Variants in CEP128 observed in about 807,000 individuals in gnomAD.
CEP128 encodes centrosomal protein 128, also known as centrosomal protein 128kDa.
CEP128 carries 132 observed loss-of-function variants against 156.7 expected under a neutral mutation model. The observed-to-expected ratio is 0.84, with a 90% CI of 0.73 to 0.97. The LOEUF (loss-of-function observed/expected upper bound fraction) is 0.97. CEP128 is among the 50% of genes least tolerant of loss of function. The pLI is 0.00. For missense variants in CEP128, 1,252 were observed against 1,281.9 expected, an observed-to-expected ratio of 0.98 and a Z score of 0.36; for synonymous variants, 469 against 448.9, an observed-to-expected ratio of 1.04 and a Z score of -0.57.
intron 7 of CEP128, among the ~76,000 whole-genome samples, chr14:80,899,494 C>T (rs1013992158): frequency 2.0e-5 from 3 of 152,216 alleles, no homozygotes. Context: ...ATGTTAACCA[C>T]TGACCCTCAA....
intron 4 of CEP128, among the ~76,000 whole-genome samples, chr14:80,911,626 ATCT>A (rs1446476814): frequency 6.6e-6 from 1 of 152,236 alleles, no homozygotes; most frequent in East Asian, 1.9e-4. Context: ...TCTTTTCTGC[ATCT>A]TTCACACCCC....
intron 19 of CEP128, among the ~76,000 whole-genome samples, chr14:80,635,228 T>C (rs1894131297): frequency 6.6e-6 from 1 of 152,202 alleles, no homozygotes; most frequent in Admixed American, 6.5e-5. Flanking sequence ...AATGTTCTCC[T>C]TGGAGTCCAT....
At chr14:80,784,066 GA>G (rs1485300914) in intron 15 of CEP128, among the ~76,000 whole-genome samples, 1 of 152,104 alleles carries the variant, frequency 6.6e-6, no homozygotes, top group South Asian at 2.1e-4. Flanking sequence ...AAAGGCTTTT[GA>G]AAAACATTAT....
At position 80,646,330 on chromosome 14, in the gene CEP128, A is replaced by C. The variant is rs367718155; in HGVS notation, c.2807-65907T>G. Among the ~76,000 whole-genome samples, 21 of 152,100 alleles carry C rather than the reference A, an allele frequency of 1.4e-4. No homozygotes were observed. The East Asian group carries it at 3.1e-3, about 22-fold the overall frequency. ...GTACCTTTCACTTAATTTTATTATG[A>C]ATGCTCTGAAAAATGAAGTCATTTT... is the stretch of plus-strand genomic sequence containing the variant. On this transcript the variant is annotated intron_variant, in intron 19 of 24. Coordinates refer to ENST00000555265, the MANE Select transcript of CEP128 (RefSeq NM_152446.5).
At chr14:80,671,689 A>G (rs1895848178) in intron 19 of CEP128, among the ~76,000 whole-genome samples, 1 of 152,196 alleles carries the variant, frequency 6.6e-6, no homozygotes, top group Non-Finnish European at 1.5e-5. Flanking sequence ...TCAAACTGAA[A>G]TTCACCACTC....
At chr14:80,775,949 T>C (rs989321168) in intron 16 of CEP128, among the ~76,000 whole-genome samples, 3 of 152,216 alleles carry the variant, frequency 2.0e-5, no homozygotes, top group African/African-American at 7.2e-5. Flanking sequence ...TTCTCCTGCC[T>C]CAGCCACCTG....
chr14:80,743,173 C>T lies in CEP128; in HGVS notation c.2708G>A (p.Arg903Lys). 1 of 1,613,746 alleles carries T rather than the reference C, an allele frequency of 6.2e-7. No homozygotes were observed. The highest frequency in any genetic ancestry group is 8.5e-7 in the Non-Finnish European group (1 of 1,179,834). Residue 903 changes from arginine to lysine, a missense_variant, in exon 19 of 25, where the codon AGG becomes AAG. Arg to Lys is a conservative substitution (Grantham distance 26). Coordinates refer to ENST00000555265, the MANE Select transcript of CEP128 (RefSeq NM_152446.5). Reference sequence around the variant, plus strand: ...AGATTCCTTGTTTTCAGTCAAATTCCTGAGTTGTTGTCTGCAGAGCATCAG... The same window carrying T: ...AGATTCCTTGTTTTCAGTCAAATTCTTGAGTTGTTGTCTGCAGAGCATCAG... ...HQLMLCRQQL[R>K]NLTENKESEL...
chr14:80,677,842 T>G (rs1896127614), intron 19 of CEP128, among the ~76,000 whole-genome samples: 1 of 151,894 alleles, frequency 6.6e-6, no homozygotes, highest in African/African-American at 2.4e-5. Context: ...AACAAGACAT[T>G]TAGGACTGTG....
intron 19 of CEP128, among the ~76,000 whole-genome samples, chr14:80,669,042 A>G (rs1895738613): frequency 6.6e-6 from 1 of 152,212 alleles, no homozygotes; most frequent in African/African-American, 2.4e-5. Flanking sequence ...AGTCTAAGGT[A>G]TGACTTTATT....
At chr14:80,859,874 A>AAT (rs1473104969) in intron 9 of CEP128, among the ~76,000 whole-genome samples, 1 of 152,186 alleles carries the variant, frequency 6.6e-6, no homozygotes, top group Non-Finnish European at 1.5e-5. Flanking sequence ...GCCTCCCTGT[A>AAT]ATATATTATA....
intron 18 of CEP128, among the ~76,000 whole-genome samples, chr14:80,747,595 T>C (rs967454063): frequency 2.0e-5 from 3 of 152,156 alleles, no homozygotes; most frequent in Non-Finnish European, 4.4e-5. Context: ...GATTACAAGG[T>C]CAGGAGTTCG....
rs75026161 is a variant in CEP128 at position 80,718,036 on chromosome 14, T to C, written c.2806+25039A>G. ...GTATGTGTGTGTATATATGTTTTGT[T>C]TGTTTGTTTTCGGTTTTTTGAAGAG... On this transcript the variant is annotated intron_variant, in intron 19 of 24. Coordinates refer to ENST00000555265, the MANE Select transcript of CEP128 (RefSeq NM_152446.5). 4.1e-3 allele frequency among the ~76,000 whole-genome samples: 618 copies of C among 152,256 alleles called. 22 individuals carry two copies. In the East Asian group the frequency reaches 0.082, roughly 20 times the overall value.
intron 19 of CEP128, among the ~76,000 whole-genome samples, chr14:80,706,790 T>C (rs1897252483): frequency 1.3e-5 from 2 of 152,268 alleles, no homozygotes; most frequent in South Asian, 4.1e-4. Flanking sequence ...TCTTTTGTTA[T>C]TGTCCCTGTG....
chr14:80,673,882 T>A (rs914575790), intron 19 of CEP128, among the ~76,000 whole-genome samples: 1 of 151,916 alleles, frequency 6.6e-6, no homozygotes, highest in Non-Finnish European at 1.5e-5. Context: ...CTATCTTCAC[T>A]GCAGAAATAA....
chr14:80,696,240 A>G (rs150669617), intron 19 of CEP128, among the ~76,000 whole-genome samples: 8 of 152,350 alleles, frequency 5.3e-5, no homozygotes, highest in African/African-American at 9.6e-5. Context: ...AAGGAATAAC[A>G]TAAGACAAGT....
chr14:80,526,827 G>A (rs1465767991), intron 23 of CEP128, 42 bp downstream of exon 23: 3 of 1,099,558 alleles, frequency 2.7e-6, no homozygotes, highest in Non-Finnish European at 4.1e-6. Flanking sequence ...CCTTAAACAT[G>A]GATACTACTT....
intron 19 of CEP128, among the ~76,000 whole-genome samples, chr14:80,703,402 G>C (rs138443744): frequency 1.1e-4 from 16 of 151,778 alleles, no homozygotes; most frequent in African/African-American, 3.1e-4. Context: ...ATGTTTTCAT[G>C]GCACATTTAA....
chr14:80,912,149 G>A (rs566275875), intron 4 of CEP128, among the ~76,000 whole-genome samples: 6 of 151,818 alleles, frequency 4.0e-5, no homozygotes, highest in South Asian at 2.1e-4. Context: ...CCTGGGAGGC[G>A]GAGGTTGCAG....
rs558432625 is a variant in CEP128, at chr14:80,552,407, A to G, written c.2880+6872T>C. Among the ~76,000 whole-genome samples, 3 of 152,276 alleles carry G rather than the reference A, an allele frequency of 2.0e-5. No individual in the cohort carries two copies. The South Asian group carries it at 6.2e-4, about 32-fold the overall frequency. On this transcript the variant is annotated intron_variant, in intron 21 of 24. Coordinates refer to ENST00000555265, the MANE Select transcript of CEP128 (RefSeq NM_152446.5). Reference sequence around the variant, plus strand: ...TGACTACCTCTTGGAAGATCTTTGTATACTCCCAGGGGCATGCTACCCTAG... The same window carrying G: ...TGACTACCTCTTGGAAGATCTTTGTGTACTCCCAGGGGCATGCTACCCTAG...
Sources: gnomAD v4.1 joint callset for allele counts (sites outside exome capture counted in the v4.1 genomes callset) on GRCh38, gnomAD v4.1.1 for gene constraint, MANE v1.5 for transcripts, NCBI Gene and HGNC (gene_info 2026-07-23, HGNC 2026-07-21) for gene names.